Variants in TXNL4A observed in about 807,000 individuals in gnomAD.
The protein encoded by TXNL4A is thioredoxin like 4A, also known as thioredoxin-like protein 4A.
Under a neutral mutation model 14.6 loss-of-function variants are expected in TXNL4A, and 17 were observed. The ratio of observed to expected loss-of-function variants is 1.16; its 90% CI spans 0.80 to 1.74. The LOEUF is 1.74. TXNL4A is among the 40% of genes most tolerant of loss of function. TXNL4A has a pLI of 0.00. For synonymous variants in TXNL4A, 83 were observed against 70.6 expected, an observed-to-expected ratio of 1.18 and a Z score of -0.88; for missense variants, 74 against 195.2, an observed-to-expected ratio of 0.38 and a Z score of 3.70.
chr18:79,979,837 T>C (rs2051436459), intron 1 of TXNL4A, among the ~76,000 whole-genome samples: 1 of 152,226 alleles, frequency 6.6e-6, no homozygotes. Context: ...CCTAAAATTC[T>C]GGAACAAAGG....
intron 1 of TXNL4A, among the ~76,000 whole-genome samples, chr18:79,978,783 C>G (rs952691392): frequency 6.7e-6 from 1 of 148,640 alleles, no homozygotes; most frequent in Non-Finnish European, 1.5e-5. Context: ...CATGAGCCAC[C>G]ACGCCTGGCA....
chr18:79,983,103 A>G (rs1043791788), intron 1 of TXNL4A, among the ~76,000 whole-genome samples: 1 of 152,042 alleles, frequency 6.6e-6, no homozygotes, highest in Non-Finnish European at 1.5e-5. Flanking sequence ...CAGCCTCAAG[A>G]GATCCTCCCA....
chr18:80,012,193 C>T (rs1257601610), intron 1 of TXNL4A, among the ~76,000 whole-genome samples: 1 of 152,192 alleles, frequency 6.6e-6, no homozygotes, highest in Non-Finnish European at 1.5e-5. Context: ...GAAGGGGACA[C>T]CGCCAAACCA....
chr18:80,007,496 A>C (rs1002650985), intron 1 of TXNL4A, among the ~76,000 whole-genome samples: 2 of 152,186 alleles, frequency 1.3e-5, no homozygotes, highest in African/African-American at 2.4e-5. Context: ...ATCGGGTTCT[A>C]AGTCAAGAGT....
intron 1 of TXNL4A, among the ~76,000 whole-genome samples, chr18:80,019,613 C>T (rs1235413911): frequency 6.6e-6 from 1 of 152,138 alleles, no homozygotes; most frequent in Non-Finnish European, 1.5e-5. Flanking sequence ...GGGAATTCCA[C>T]CTAGGAGGTC....
chr18:79,987,478 G>A (rs1208049433), intron 1 of TXNL4A, among the ~76,000 whole-genome samples: 1 of 152,014 alleles, frequency 6.6e-6, no homozygotes, highest in Non-Finnish European at 1.5e-5. Flanking sequence ...AAATTAATAT[G>A]GCAAATATTT....
At position 79,988,312 on chromosome 18, in the gene TXNL4A, G is replaced by A; in HGVS notation, c.81C>T (p.Val27=). The change falls in exon 1 of 3, where the codon GTC becomes GTT. Residue 27 remains valine (V), a synonymous_variant. Coordinates refer to ENST00000269601, the MANE Select transcript of TXNL4A (RefSeq NM_006701.5). ...AILSEEDRVV[V]IRFGHDWDPT... ...GATCCCAGTCGTGGCCGAAGCGGAT[G>A]ACGACCACGCGGTCCTCCTCCGAGA... 1.9e-6 allele frequency: 3 copies of A among 1,602,586 alleles called. No homozygotes were observed. Among genetic ancestry groups the A allele is most frequent in the African/African-American group, 1.3e-5 (1 of 74,762 alleles).
At chr18:80,010,468 G>A (rs1196843009) in intron 1 of TXNL4A, among the ~76,000 whole-genome samples, 1 of 152,160 alleles carries the variant, frequency 6.6e-6, no homozygotes, top group Non-Finnish European at 1.5e-5. Flanking sequence ...TGACAGCTTG[G>A]CCTGGGACCA....
chr18:80,000,504 ATAAGAT>A (rs1414116932), intron 1 of TXNL4A, among the ~76,000 whole-genome samples: 3 of 152,338 alleles, frequency 2.0e-5, no homozygotes, highest in East Asian at 1.9e-4. Flanking sequence ...GGTGCTGTTA[ATAAGAT>A]TAAGTTTTTG....
At chr18:80,010,588 G>T (rs924757761) in intron 1 of TXNL4A, among the ~76,000 whole-genome samples, 4 of 152,194 alleles carry the variant, frequency 2.6e-5, no homozygotes, top group Admixed American at 2.6e-4. Flanking sequence ...GCCCAAAAAT[G>T]AGAAGAAACA....
chr18:80,003,153 T>C (rs1481939549), intron 1 of TXNL4A, among the ~76,000 whole-genome samples: 1 of 152,262 alleles, frequency 6.6e-6, no homozygotes. Flanking sequence ...GTCATCATCA[T>C]ATGTCATCCT....
At chr18:80,017,759 GT>G (rs1251289456) in intron 1 of TXNL4A, among the ~76,000 whole-genome samples, 1 of 151,760 alleles carries the variant, frequency 6.6e-6, no homozygotes, top group African/African-American at 2.4e-5. Context: ...GCTGGATTCG[GT>G]TTGCCAGTAT....
rs2051298603 is a variant in TXNL4A, at chr18:79,971,281, A to G, written c.*2404T>C. On this transcript the variant is annotated 3_prime_UTR_variant, in exon 3 of 3. Coordinates refer to ENST00000269601, the MANE Select transcript of TXNL4A (RefSeq NM_006701.5). ...GTTTCTATGTGGACATATGCGTTCA[A>G]TTCTCCTGGGTATGAAACTGCTGGG... 6.6e-6 allele frequency: 1 copy of G among 152,248 alleles called. No individual in the cohort carries two copies. Among genetic ancestry groups the G allele is most frequent in the Admixed American group, 6.5e-5 (1 of 15,286 alleles). 9.4% of individuals were successfully genotyped at this position (152,248 alleles called of 1,614,324 possible).
chr18:80,016,580 T>A (rs2051812047), intron 1 of TXNL4A, among the ~76,000 whole-genome samples: 1 of 152,182 alleles, frequency 6.6e-6, no homozygotes. Context: ...TTTCTACATA[T>A]GGCTAGCCAG....
chr18:79,976,511 C>T (rs1194356760), intron 2 of TXNL4A, among the ~76,000 whole-genome samples: 2 of 152,164 alleles, frequency 1.3e-5, no homozygotes, highest in South Asian at 2.1e-4. Flanking sequence ...AAACAAGCCC[C>T]TCAAACACTC....
intron 1 of TXNL4A, among the ~76,000 whole-genome samples, chr18:80,009,989 T>A (rs2051759404): frequency 6.6e-6 from 1 of 152,188 alleles, no homozygotes; most frequent in Admixed American, 6.5e-5. Flanking sequence ...TGAGGTCTTA[T>A]CAGCAAGCTG....
chr18:80,007,401 C>T (rs1045489061), intron 1 of TXNL4A, among the ~76,000 whole-genome samples: 11 of 152,144 alleles, frequency 7.2e-5, no homozygotes, highest in South Asian at 2.1e-4. Context: ...ACAGGGGTGT[C>T]GTGCAGAGAG....
At chr18:79,980,676 C>A (rs1334378352) in intron 1 of TXNL4A, among the ~76,000 whole-genome samples, 1 of 152,222 alleles carries the variant, frequency 6.6e-6, no homozygotes, top group Non-Finnish European at 1.5e-5. Context: ...GTGAAAAAAA[C>A]CGTATCAGAA....
chr18:79,986,454 C>T (rs190005186), intron 1 of TXNL4A: 1 of 639,726 alleles, frequency 1.6e-6, no homozygotes, highest in African/African-American at 2.0e-5. Context: ...AAAAAAATAC[C>T]CCAAAGTGAG....
Sources: gnomAD v4.1 joint callset for allele counts (sites outside exome capture counted in the v4.1 genomes callset) on GRCh38, gnomAD v4.1.1 for gene constraint, MANE v1.5 for transcripts, NCBI Gene and HGNC (gene_info 2026-07-23, HGNC 2026-07-21) for gene names.